The following ABCA13 variants were observed in gnomAD, a reference collection of about 807,000 sequenced individuals.
The protein encoded by ABCA13 is ATP binding cassette subfamily A member 13, also known as ATP-binding cassette sub-family A member 13.
In ABCA13, 476 loss-of-function variants were observed where a neutral mutation model predicts 478.7. The ratio of observed to expected loss-of-function variants is 0.99; its 90% CI spans 0.92 to 1.07. The LOEUF is 1.07. Among genes scored for constraint, ABCA13 ranks in the 50% least tolerant of loss-of-function variants. The pLI, the probability that ABCA13 is intolerant of heterozygous loss-of-function variation, is 0.00. For missense variants in ABCA13, 6,060 were observed against 5,910.6 expected, an observed-to-expected ratio of 1.03 and a Z score of -0.83; for synonymous variants, 2,252 against 2,158.9, an observed-to-expected ratio of 1.04 and a Z score of -1.20.
At position 48,288,189 on chromosome 7, in the gene ABCA13, G is replaced by A. The variant is rs1247643499; in HGVS notation, c.8955+111G>A. The A allele has an allele frequency of 5.3e-6, 5 of 948,166 alleles. No individual in the cohort carries two copies. In the Admixed American group the frequency reaches 9.9e-5, roughly 19 times the overall value. 58.7% of individuals were successfully genotyped at this position (948,166 alleles called of 1,614,324 possible). On this transcript the variant is annotated intron_variant, in intron 20 of 61. Coordinates refer to ENST00000435803, the MANE Select transcript of ABCA13 (RefSeq NM_152701.5). ...TCGTTCTTATAACTACAGCAATGGT[G>A]TCATACACAGTCTTGTTGCAAGCTG...
At chr7:48,485,713 G>T (rs1829230405) in intron 47 of ABCA13, among the ~76,000 whole-genome samples, 1 of 152,184 alleles carries the variant, frequency 6.6e-6, no homozygotes. Flanking sequence ...GTAGCATCAA[G>T]AGTAAACATG....
chr7:48,226,239 G>A (rs1409305598), intron 5 of ABCA13, among the ~76,000 whole-genome samples: 4 of 152,160 alleles, frequency 2.6e-5, no homozygotes, highest in African/African-American at 9.7e-5. Context: ...GAGGGGATTT[G>A]AGGATCATTA....
chr7:48,471,427 T>A (rs1380787751), intron 44 of ABCA13, 103 bp from the exon 45 acceptor site: 1 of 1,044,830 alleles, frequency 9.6e-7, no homozygotes. Flanking sequence ...GGGAGATGAT[T>A]ATCTTGTGAA....
chr7:48,615,849 C>T (rs1006600286), intron 59 of ABCA13, among the ~76,000 whole-genome samples: 1 of 152,174 alleles, frequency 6.6e-6, no homozygotes, highest in Non-Finnish European at 1.5e-5. Flanking sequence ...GTTATGGTTG[C>T]TTTCCATTTG....
chr7:48,548,633 C>T (rs1785036384), intron 55 of ABCA13, among the ~76,000 whole-genome samples: 1 of 151,262 alleles, frequency 6.6e-6, no homozygotes, highest in Non-Finnish European at 1.5e-5. Context: ...TGAGAGTTCA[C>T]ATGTCGACTT....
chr7:48,629,713 C>T (rs1794000200), intron 59 of ABCA13, among the ~76,000 whole-genome samples: 1 of 151,998 alleles, frequency 6.6e-6, no homozygotes, highest in Non-Finnish European at 1.5e-5. Context: ...CCTTGTCATC[C>T]TGGGATTGGT....
At chr7:48,406,581 T>G (rs2129081446) in intron 39 of ABCA13, among the ~76,000 whole-genome samples, 1 of 152,312 alleles carries the variant, frequency 6.6e-6, no homozygotes, top group African/African-American at 2.4e-5. Flanking sequence ...ACAGTAGCAT[T>G]GCTCTTTGAG....
At position 48,195,510 on chromosome 7, in the gene ABCA13, CT is replaced by C. The variant is rs1797805504; in HGVS notation, c.163+2461del. Among the ~76,000 whole-genome samples the C allele has an allele frequency of 2.0e-5, 3 of 152,112 alleles. No homozygotes were observed. In the South Asian group the frequency reaches 6.2e-4, roughly 32 times the overall value. Reference sequence around the variant, plus strand: ...GCTGGATGCATGAGGACAGGGAGGCCTTTGACTGGAACAGCTGAGTGGAGAG... The same window carrying C: ...GCTGGATGCATGAGGACAGGGAGGCCTTGACTGGAACAGCTGAGTGGAGAG... On this transcript the variant is annotated intron_variant, in intron 2 of 61. Coordinates refer to ENST00000435803, the MANE Select transcript of ABCA13 (RefSeq NM_152701.5).
At chr7:48,644,855 T>G (rs1316288315) in intron 61 of ABCA13, 101 bp downstream of exon 61, 2 of 1,213,006 alleles carry the variant, frequency 1.6e-6, no homozygotes, top group Non-Finnish European at 2.2e-6. Context: ...ATTCACCACT[T>G]TATTCAATTC....
intron 3 of ABCA13, among the ~76,000 whole-genome samples, chr7:48,218,597 G>A (rs925060730): frequency 5.3e-5 from 8 of 152,318 alleles, no homozygotes; most frequent in African/African-American, 1.9e-4. Context: ...ACCACCTGTA[G>A]TAGAAGGTCC....
At chr7:48,527,271 A>G (rs1832948855) in intron 54 of ABCA13, among the ~76,000 whole-genome samples, 1 of 152,112 alleles carries the variant, frequency 6.6e-6, no homozygotes, top group African/African-American at 2.4e-5. Context: ...CGGGGAAAAC[A>G]TGGTAATTGA....
At chr7:48,465,716 T>A (rs1826803122) in intron 43 of ABCA13, among the ~76,000 whole-genome samples, 1 of 152,122 alleles carries the variant, frequency 6.6e-6, no homozygotes, top group Non-Finnish European at 1.5e-5. Context: ...ATCTTCTAGC[T>A]GTTTTGAAAA....
chr7:48,335,294 G>A lies in ABCA13; in HGVS notation c.10000-128G>A, dbSNP rs1386314041. ...CATTGGAACTTTTCATGTTATTGAGGAAGGCATTAGCTGGCCTGCAGGCAG... is the reference window on the plus strand; with the variant it reads ...CATTGGAACTTTTCATGTTATTGAGAAAGGCATTAGCTGGCCTGCAGGCAG... On this transcript the variant is annotated intron_variant, in intron 27 of 61. Coordinates refer to ENST00000435803, the MANE Select transcript of ABCA13 (RefSeq NM_152701.5). 10 of 584,418 alleles carry A rather than the reference G, an allele frequency of 1.7e-5. No individual in the cohort carries two copies. In the Middle Eastern group the frequency reaches 8.2e-4, roughly 48 times the overall value. 36.2% of individuals were successfully genotyped at this position (584,418 alleles called of 1,614,324 possible).
intron 19 of ABCA13, among the ~76,000 whole-genome samples, chr7:48,285,511 A>G (rs747342948): frequency 3.3e-5 from 5 of 152,230 alleles, no homozygotes; most frequent in African/African-American, 4.8e-5. Flanking sequence ...TGTGAGGCAC[A>G]TGGAGGCCAG....
Position 48,297,281 on chromosome 7 carries a change from AC to A in ABCA13, c.9170del (p.Thr3057IlefsTer8), listed in dbSNP as rs1224771203. ...TTGGTCATCAGGGAATCCCATCATG[AC>A]TTTTCTCAGCAATTTCACAGTAACT... ...ETWSSGNPIMTFLSNFTVTED... is the reference protein window; with the variant it reads ...ETWSSGNPIMXFLSNFTVTED... On this transcript the variant is annotated frameshift_variant, in exon 22 of 62. Coordinates refer to ENST00000435803, the MANE Select transcript of ABCA13 (RefSeq NM_152701.5). LOFTEE classifies it high-confidence loss of function. 1 of 1,609,434 alleles carries A rather than the reference AC, an allele frequency of 6.2e-7. No individual in the cohort carries two copies. Among genetic ancestry groups the A allele is most frequent in the African/African-American group, 1.3e-5 (1 of 74,868 alleles).
intron 15 of ABCA13, among the ~76,000 whole-genome samples, chr7:48,253,162 C>G (rs934520340): frequency 1.3e-5 from 2 of 152,152 alleles, no homozygotes; most frequent in Non-Finnish European, 2.9e-5. Flanking sequence ...ATTGATTACT[C>G]CTAGCCGCCT....
chr7:48,288,015 T>G lies in ABCA13; in HGVS notation c.8892T>G (p.Asn2964Lys). 1.2e-6 allele frequency: 2 copies of G among 1,614,004 alleles called. No individual in the cohort carries two copies. Among genetic ancestry groups the G allele is most frequent in the Non-Finnish European group, 1.7e-6 (2 of 1,179,880 alleles). ...GTGCTACTCTGAGTTGCAAGCAAAA[T>G]GGGATAAGGCATCTCATTTTATCTG... ...ILCATLSCKQ[N>K]GIRHLILSAI... is the part of the protein sequence containing the mutation. The change falls in exon 20 of 62, where the codon AAT (asparagine) becomes AAG (lysine). Residue 2964 changes from asparagine (N) to lysine (K), a missense_variant. By Grantham distance (94) the Asn-to-Lys change is moderately conservative. Around this residue, in one of 3 missense-constraint regions of ABCA13, gnomAD observed 4,423 missense variants for 4,309.1 expected, o/e 1.03. Coordinates refer to ENST00000435803, the MANE Select transcript of ABCA13 (RefSeq NM_152701.5).
At position 48,441,526 on chromosome 7, in the gene ABCA13, A is replaced by G. The variant is rs1228871847; in HGVS notation, c.12566-13511A>G. The stretch of plus-strand genomic sequence containing the variant: ...ATGAAGACAAAATAAAATATAAAAT[A>G]TATACTTTTTAATCATAGGGACCCT... On this transcript the variant is annotated intron_variant, in intron 42 of 61. Transcript: ENST00000435803. 3.3e-5 allele frequency among the ~76,000 whole-genome samples: 5 copies of G among 152,258 alleles called. No individual in the cohort carries two copies. In the South Asian group the frequency reaches 6.2e-4, roughly 19 times the overall value.
chr7:48,221,210 A>G, intron 4 of ABCA13, 71 bp from the exon 5 acceptor site: 1 of 781,660 alleles, frequency 1.3e-6, no homozygotes. Flanking sequence ...TTTAGAATTA[A>G]AAGTAGGCAT....
Sources: gnomAD v4.1 joint callset for allele counts (sites outside exome capture counted in the v4.1 genomes callset) on GRCh38, gnomAD v4.1.1 for gene constraint, gnomAD v4.1.1 regional missense constraint, MANE v1.5 for transcripts, NCBI Gene and HGNC (gene_info 2026-07-23, HGNC 2026-07-21) for gene names.